Variants in ADCY2 observed in about 807,000 individuals in gnomAD.
The protein encoded by ADCY2 is adenylate cyclase type 2.
A neutral mutation model predicts 125.2 loss-of-function variants in ADCY2; 31 were observed. That is an observed-to-expected ratio of 0.25 (90% CI 0.19 to 0.33). The LOEUF is 0.33. Among genes scored for constraint, ADCY2 ranks in the 10% least tolerant of loss-of-function variants. ADCY2 has a pLI of 1.00. For synonymous variants in ADCY2, 512 were observed against 548.4 expected (o/e 0.93, Z 0.93); for missense variants, 904 against 1,418.2 (o/e 0.64, Z 5.82).
intron 3 of ADCY2, among the ~76,000 whole-genome samples, chr5:7,588,279 T>TA (rs1302649921): frequency 2.0e-5 from 3 of 151,984 alleles, no homozygotes; most frequent in Non-Finnish European, 2.9e-5. Context: ...CTGAAACACA[T>TA]AAAAAAATCC....
intron 3 of ADCY2, among the ~76,000 whole-genome samples, chr5:7,597,011 G>A (rs1737027916): frequency 6.6e-6 from 1 of 152,222 alleles, no homozygotes; most frequent in Non-Finnish European, 1.5e-5. Flanking sequence ...ACAGCTCCAT[G>A]AGCCACTTTT....
chr5:7,432,663 A>G (rs1161532050), intron 2 of ADCY2, among the ~76,000 whole-genome samples: 1 of 152,228 alleles, frequency 6.6e-6, no homozygotes, highest in Non-Finnish European at 1.5e-5. Context: ...ATCCTGCTTC[A>G]TTTTTAACTA....
At chr5:7,426,876 C>A (rs912516640) in intron 2 of ADCY2, among the ~76,000 whole-genome samples, 1 of 152,032 alleles carries the variant, frequency 6.6e-6, no homozygotes, top group African/African-American at 2.4e-5. Flanking sequence ...GCTCACCAGG[C>A]GCAGAATTTA....
intron 3 of ADCY2, among the ~76,000 whole-genome samples, chr5:7,550,232 TGATG>T (rs1735283196): frequency 6.6e-6 from 1 of 152,214 alleles, no homozygotes. Flanking sequence ...TTTTGTGAAT[TGATG>T]AAGAACTTTT....
chr5:7,810,723 C>T (rs1432304860), intron 22 of ADCY2, among the ~76,000 whole-genome samples: 3 of 152,082 alleles, frequency 2.0e-5, no homozygotes, highest in African/African-American at 7.2e-5. Flanking sequence ...ATGACAACAG[C>T]CAGCTGGAGC....
At position 7,707,801 on chromosome 5, in the gene ADCY2, A is replaced by G; in HGVS notation, c.1364A>G (p.Gln455Arg). ...GACATTAGGGACCCATATTTAAAAC[A>G]GCACCTGGTGAAAACCTACTTTGTG... ...DGDIRDPYLK[Q>R]HLVKTYFVIN... is the part of the protein sequence containing the mutation. Residue 455 changes from glutamine (Q) to arginine (R), a missense_variant, in exon 9 of 25, where the codon CAG becomes CGG. Gln to Arg is a conservative substitution (Grantham distance 43). Transcript: ENST00000338316. The G allele has an allele frequency of 6.2e-7, 1 of 1,614,166 alleles. No homozygotes were observed. The highest frequency in any genetic ancestry group is 8.5e-7 in the Non-Finnish European group (1 of 1,180,022).
At chr5:7,800,590 A>G (rs1744561754) in intron 20 of ADCY2, 1 of 152,174 alleles carries the variant, frequency 6.6e-6, no homozygotes, top group Non-Finnish European at 1.5e-5. Flanking sequence ...TGGATCCGCG[A>G]GGTGGAGGTT....
chr5:7,601,612 A>G (rs1398493610), intron 3 of ADCY2, among the ~76,000 whole-genome samples: 2 of 152,090 alleles, frequency 1.3e-5, no homozygotes, highest in African/African-American at 2.4e-5. Context: ...CTGCTAAAGG[A>G]AAATCACTCA....
At chr5:7,763,102 T>C (rs890430015) in intron 16 of ADCY2, among the ~76,000 whole-genome samples, 1 of 152,110 alleles carries the variant, frequency 6.6e-6, no homozygotes, top group Non-Finnish European at 1.5e-5. Context: ...TAATGTATTT[T>C]TTTTTTTCCG....
chr5:7,467,855 T>G (rs1742182641), intron 2 of ADCY2, among the ~76,000 whole-genome samples: 1 of 152,138 alleles, frequency 6.6e-6, no homozygotes, highest in South Asian at 2.1e-4. Context: ...TCTTGACATT[T>G]CAGTTGGTTA....
At chr5:7,728,271 A>G (rs1403511285) in intron 14 of ADCY2, among the ~76,000 whole-genome samples, 1 of 152,180 alleles carries the variant, frequency 6.6e-6, no homozygotes, top group Non-Finnish European at 1.5e-5. Flanking sequence ...CTGTACTTCA[A>G]AGGATTTTCT....
intron 3 of ADCY2, among the ~76,000 whole-genome samples, chr5:7,621,538 T>A (rs1407061971): frequency 6.6e-6 from 1 of 152,186 alleles, no homozygotes; most frequent in Non-Finnish European, 1.5e-5. Context: ...TCTCCTGGCC[T>A]GGGGACAGCC....
chr5:7,414,843 T>C, intron 2 of ADCY2, 73 bp downstream of exon 2: 1 of 1,386,812 alleles, frequency 7.2e-7, no homozygotes. Context: ...GTAAACAACT[T>C]GGCCTTAAAC....
At chr5:7,501,084 T>G (rs917126694) in intron 2 of ADCY2, among the ~76,000 whole-genome samples, 1 of 152,056 alleles carries the variant, frequency 6.6e-6, no homozygotes, top group Non-Finnish European at 1.5e-5. Flanking sequence ...TCAGCATCTT[T>G]TTTTTGTTCG....
At chr5:7,785,398 A>G (rs1261650601) in intron 19 of ADCY2, among the ~76,000 whole-genome samples, 2 of 152,200 alleles carry the variant, frequency 1.3e-5, no homozygotes, top group Non-Finnish European at 1.5e-5. Flanking sequence ...GTAGGAGCTC[A>G]TGGTGCAGCC....
At chr5:7,478,154 G>A (rs1742589438) in intron 2 of ADCY2, among the ~76,000 whole-genome samples, 1 of 152,100 alleles carries the variant, frequency 6.6e-6, no homozygotes, top group Admixed American at 6.5e-5. Context: ...CTCCTTCTGG[G>A]GTTCTGTGGG....
At chr5:7,794,717 T>A (rs143587601) in intron 20 of ADCY2, 1 of 152,328 alleles carries the variant, frequency 6.6e-6, no homozygotes, top group Non-Finnish European at 1.5e-5. Flanking sequence ...CGGACCCTGC[T>A]GCCCTAAAGT....
Position 7,827,531 on chromosome 5 carries a change from G to A in ADCY2, c.*660G>A, listed in dbSNP as rs1745529549. ...ATTCATTAAAAGTTTTATGTACTTT[G>A]ATTTACAGTGCCTGTATCTTTTATT... On this transcript the variant is annotated 3_prime_UTR_variant, in exon 25 of 25. Transcript: ENST00000338316. 1 of 152,348 alleles carries A rather than the reference G, an allele frequency of 6.6e-6. No homozygotes were observed. Among genetic ancestry groups the A allele is most frequent in the Non-Finnish European group, 1.5e-5 (1 of 68,032 alleles). 9.4% of individuals were successfully genotyped at this position (152,348 alleles called of 1,614,324 possible).
intron 3 of ADCY2, among the ~76,000 whole-genome samples, chr5:7,570,638 T>A (rs113569279): frequency 3.1e-3 from 314 of 100,506 alleles, no homozygotes; most frequent in Middle Eastern, 5.5e-3. Context: ...AAAAAAAAAA[T>A]GCTTGTGTTT....
Sources: allele counts gnomAD v4.1 joint callset (sites outside exome capture counted in the v4.1 genomes callset), GRCh38; gene constraint gnomAD v4.1.1; transcripts MANE v1.5; gene names NCBI Gene and HGNC (gene_info 2026-07-23, HGNC 2026-07-21).